Variants in CTPS2 observed in about 807,000 individuals in gnomAD.
CTPS2 encodes the protein CTP synthase II.
Under a neutral mutation model 46.8 loss-of-function variants are expected in CTPS2, and 19 were observed. That is an observed-to-expected ratio of 0.41 (90% CI 0.28 to 0.60). CTPS2 has a LOEUF of 0.60. Ranked by LOEUF, CTPS2 falls within the 20% of genes least tolerant of loss-of-function variation. CTPS2 has a pLI of 0.35. For missense variants in CTPS2, 286 were observed against 447.6 expected, an observed-to-expected ratio of 0.64 and a Z score of 3.26; for synonymous variants, 151 against 165.2, an observed-to-expected ratio of 0.91 and a Z score of 0.66.
rs961088419 is a variant in CTPS2 at position 16,698,906 on chromosome X, T to C, written c.337+17A>G. The C allele has an allele frequency of 1.7e-6, 2 of 1,178,599 alleles. No individual in the cohort carries two copies. The highest frequency in any genetic ancestry group is 3.6e-5 in the African/African-American group (2 of 55,832). On this transcript the variant is annotated intron_variant, in intron 3 of 18. Transcript: ENST00000359276. ...ATTCAGCACACAGGGCTCCATAATG[T>C]CTGTGGAATATAATACCTTGCACTG...
intron 17 of CTPS2, among the ~76,000 whole-genome samples, chrX:16,595,162 TACACACACACAC>T (rs10643985): frequency 9.7e-6 from 1 of 102,701 alleles, no homozygotes; most frequent in Non-Finnish European, 2.0e-5. Context: ...AGCAATCTTT[TACACACACACAC>T]ACACACACAC....
intron 8 of CTPS2, among the ~76,000 whole-genome samples, chrX:16,683,983 T>C (rs754029173): frequency 9.0e-6 from 1 of 111,627 alleles, no homozygotes; most frequent in South Asian, 3.7e-4. Flanking sequence ...ATGAGAAAAA[T>C]TCCATTCTAC....
intron 14 of CTPS2, among the ~76,000 whole-genome samples, chrX:16,637,791 A>T (rs1023035045): frequency 1.1e-4 from 12 of 112,224 alleles, no homozygotes; most frequent in African/African-American, 3.2e-4. Context: ...CTTAGAGAAC[A>T]ATGGCTTTTT....
chrX:16,708,689 CA>C (rs763249047), intron 1 of CTPS2, among the ~76,000 whole-genome samples: 376 of 111,060 alleles, frequency 3.4e-3, no homozygotes, highest in Non-Finnish European at 5.7e-3. Context: ...GATTAAGGGG[CA>C]AATAAACTGT....
chrX:16,691,197 T>C (rs1923667503), intron 7 of CTPS2, among the ~76,000 whole-genome samples: 1 of 112,121 alleles, frequency 8.9e-6, no homozygotes, highest in South Asian at 3.7e-4. Flanking sequence ...CGCATGCCTA[T>C]AATCTCAGCT....
intron 17 of CTPS2, among the ~76,000 whole-genome samples, chrX:16,593,929 T>C (rs1446926656): frequency 9.0e-6 from 1 of 111,099 alleles, no homozygotes; most frequent in African/African-American, 3.3e-5. Flanking sequence ...ATCCTATTCA[T>C]GCACTCTCCC....
At chrX:16,662,909 T>C (rs1357268222) in intron 13 of CTPS2, among the ~76,000 whole-genome samples, 1 of 111,419 alleles carries the variant, frequency 9.0e-6, no homozygotes, top group Non-Finnish European at 1.9e-5. Flanking sequence ...AATCTATCCC[T>C]GCAGATGTGT....
chrX:16,667,976 G>C, intron 11 of CTPS2, among the ~76,000 whole-genome samples: 1 of 109,009 alleles, frequency 9.2e-6, no homozygotes, highest in Non-Finnish European at 1.9e-5. Flanking sequence ...GAAAAGTGCA[G>C]GGTCAACTGG....
chrX:16,693,506 C>CA lies in CTPS2; in HGVS notation c.439-20dup. On this transcript the variant is annotated intron_variant, in intron 4 of 18. Transcript: ENST00000359276. ...CTCCCAGCTGGGAATGGAAAACAAA[C>CA]AAAAAAAGACACAAATGACCACACA... 5 of 1,020,604 alleles carry CA rather than the reference C, an allele frequency of 4.9e-6. No homozygotes were observed. Among genetic ancestry groups the CA allele is most frequent in the Non-Finnish European group, 6.9e-6 (5 of 728,750 alleles). The allele number at this position is 1,020,604 out of a possible 1,213,427, so 84.1% of individuals were successfully genotyped here.
At chrX:16,688,502 C>T (rs1923432182) in intron 8 of CTPS2, among the ~76,000 whole-genome samples, 1 of 108,229 alleles carries the variant, frequency 9.2e-6, no homozygotes, top group Non-Finnish European at 1.9e-5. Flanking sequence ...AACTCCTGGG[C>T]TCAAGTGATC....
intron 13 of CTPS2, among the ~76,000 whole-genome samples, chrX:16,663,339 G>A (rs138602253): frequency 0.017 from 1,878 of 111,125 alleles, 24 homozygotes; most frequent in Middle Eastern, 0.069. Context: ...TAGAGGCAAG[G>A]TGTAACTATG....
At chrX:16,658,297 A>G (rs1175264091) in intron 13 of CTPS2, among the ~76,000 whole-genome samples, 1 of 110,567 alleles carries the variant, frequency 9.0e-6, no homozygotes, top group African/African-American at 3.3e-5. Context: ...TACAATTTGT[A>G]TCATTCTAAT....
At chrX:16,659,956 A>T (rs1244212609) in intron 13 of CTPS2, among the ~76,000 whole-genome samples, 1 of 111,659 alleles carries the variant, frequency 9.0e-6, no homozygotes, top group Non-Finnish European at 1.9e-5. Flanking sequence ...TTATCTATTC[A>T]TCTATCAGTG....
Position 16,702,883 on chromosome X carries a change from G to A in CTPS2, c.20C>T (p.Thr7Met), listed in dbSNP as rs200869248. The A allele has an allele frequency of 7.5e-6, 9 of 1,206,660 alleles. No individual in the cohort carries two copies. Among genetic ancestry groups the A allele is most frequent in the Admixed American group, 2.2e-5 (1 of 45,453 alleles). ...ACCAATGCCTGAGATGACCCCACCCGTGACCAGGATGTACTTCATTGGCAG... is the reference window on the plus strand; with the variant it reads ...ACCAATGCCTGAGATGACCCCACCCATGACCAGGATGTACTTCATTGGCAG... MKYILV[T>M]GGVISGIGKG... The change falls in exon 2 of 19, where the codon ACG (threonine) becomes ATG (methionine). Residue 7 changes from threonine to methionine, a missense_variant. Transcript: ENST00000359276.
chrX:16,645,924 C>A (rs1385567149), intron 13 of CTPS2, among the ~76,000 whole-genome samples: 1 of 112,717 alleles, frequency 8.9e-6, no homozygotes, highest in Non-Finnish European at 1.9e-5. Context: ...GATGACACAG[C>A]AAGAAGGCCC....
intron 2 of CTPS2, among the ~76,000 whole-genome samples, chrX:16,701,490 TG>T (rs1924549237): frequency 1.8e-5 from 2 of 110,393 alleles, no homozygotes; most frequent in South Asian, 7.6e-4. Flanking sequence ...GCACAGGAGG[TG>T]GAGGTTGCAT....
At chrX:16,615,864 G>T (rs966693672) in intron 16 of CTPS2, among the ~76,000 whole-genome samples, 1 of 111,941 alleles carries the variant, frequency 8.9e-6, no homozygotes, top group East Asian at 2.8e-4. Flanking sequence ...TTATAGGGTT[G>T]TTGGTCATGA....
At chrX:16,611,319 CGTGCACCT>C (rs1022713658) in intron 16 of CTPS2, among the ~76,000 whole-genome samples, 8 of 110,138 alleles carry the variant, frequency 7.3e-5, no homozygotes, top group South Asian at 4.0e-4. Flanking sequence ...GGCGTGGTGG[CGTGCACCT>C]GTGGTTCCAG....
chrX:16,604,107 T>C (rs186696366), intron 17 of CTPS2, among the ~76,000 whole-genome samples: 4 of 111,784 alleles, frequency 3.6e-5, no homozygotes, highest in African/African-American at 1.3e-4. Context: ...ACTGAGTACC[T>C]TTCCCTCCTG....
Sources: gnomAD v4.1 joint callset for allele counts (sites outside exome capture counted in the v4.1 genomes callset) on GRCh38, gnomAD v4.1.1 for gene constraint, MANE v1.5 for transcripts, NCBI Gene and HGNC (gene_info 2026-07-23, HGNC 2026-07-21) for gene names.